NBEA: variants seen among roughly 807,000 people sequenced by gnomAD.
NBEA encodes the protein lysosomal-trafficking regulator 2.
Under a neutral mutation model 343.4 loss-of-function variants are expected in NBEA, and 44 were observed. The observed-to-expected ratio is 0.13, with a 90% CI of 0.10 to 0.16. NBEA has a LOEUF of 0.16. Ranked by LOEUF, NBEA falls within the 10% of genes least tolerant of loss-of-function variation. NBEA has a pLI of 1.00. For missense variants in NBEA, 2,555 were observed against 3,631.3 expected (o/e 0.70, Z 7.62); for synonymous variants, 1,175 against 1,238.7 (o/e 0.95, Z 1.08).
chr13:35,541,650 A>G (rs17052343), intron 41 of NBEA, among the ~76,000 whole-genome samples: 5,935 of 151,940 alleles, frequency 0.039, 414 homozygotes, highest in African/African-American at 0.14. Context: ...GTAAAAGGCT[A>G]TGTGCTGTGG....
intron 43 of NBEA, 74 bp downstream of exon 43, chr13:35,551,106 G>T: frequency 1.1e-6 from 1 of 879,022 alleles, no homozygotes. Flanking sequence ...CAATGTAAAT[G>T]TGGTTATAAC....
intron 24 of NBEA, among the ~76,000 whole-genome samples, chr13:35,165,748 G>T (rs9600213): frequency 3.3e-5 from 5 of 149,882 alleles, no homozygotes; most frequent in African/African-American, 1.2e-4. Context: ...AGAGTAGGGC[G>T]ATCTCAGCTC....
At chr13:35,382,221 C>T (rs1325740380) in intron 38 of NBEA, among the ~76,000 whole-genome samples, 2 of 152,026 alleles carry the variant, frequency 1.3e-5, no homozygotes, top group Admixed American at 6.6e-5. Flanking sequence ...TAGCAGAATC[C>T]CATAGACTCT....
intron 1 of NBEA, among the ~76,000 whole-genome samples, chr13:34,980,174 C>T (rs2060310453): frequency 6.6e-6 from 1 of 151,704 alleles, no homozygotes; most frequent in African/African-American, 2.4e-5. Context: ...CCTAGGATTG[C>T]CTTAGAGTCT....
chr13:35,404,328 T>C lies in NBEA; in HGVS notation c.6180-27941T>C, dbSNP rs371025660. On this transcript the variant is annotated intron_variant, in intron 38 of 58. Transcript: ENST00000379939. ...CGTATGTTTATTGTGGCACTATTCA[T>C]AATAGCAAAGACTTGGAACCAACCC... is the stretch of plus-strand genomic sequence containing the variant. 2.2e-4 allele frequency among the ~76,000 whole-genome samples: 33 copies of C among 151,526 alleles called. No homozygotes were observed. In the South Asian group the frequency reaches 5.0e-3, roughly 23 times the overall value.
At chr13:35,295,052 C>T (rs940702380) in intron 35 of NBEA, among the ~76,000 whole-genome samples, 4 of 137,788 alleles carry the variant, frequency 2.9e-5, no homozygotes, top group African/African-American at 1.1e-4. Context: ...AGCTGATGAA[C>T]TAAAAAAAAA....
rs374849659 is a variant in NBEA, at chr13:35,655,607, T to C, written c.8220T>C (p.His2740=). 6.3e-5 allele frequency: 102 copies of C among 1,613,654 alleles called. No individual in the cohort carries two copies. In the Middle Eastern group the frequency reaches 9.9e-4, roughly 16 times the overall value. Residue 2740 remains histidine, a synonymous_variant, in exon 55 of 59, where the codon CAT becomes CAC. Transcript: ENST00000379939. ...TGKLTQIVFG[H]WDVVTCLARS... is the part of the protein sequence containing the mutation. ...AATTGACTCAGATTGTATTTGGCCATTGGGATGTGGTCACTTGCTTGGCCA... is the reference window on the plus strand; with the variant it reads ...AATTGACTCAGATTGTATTTGGCCACTGGGATGTGGTCACTTGCTTGGCCA...
intron 41 of NBEA, among the ~76,000 whole-genome samples, chr13:35,492,872 G>A (rs1339483274): frequency 6.6e-6 from 1 of 151,828 alleles, no homozygotes; most frequent in East Asian, 1.9e-4. Flanking sequence ...GGGAGATAAC[G>A]ATGCTGAATC....
intron 18 of NBEA, among the ~76,000 whole-genome samples, chr13:35,144,213 G>A (rs1257112994): frequency 6.6e-6 from 1 of 152,166 alleles, no homozygotes; most frequent in East Asian, 1.9e-4. Flanking sequence ...AGAGTTGCAT[G>A]CAAGGGTTTT....
At chr13:35,131,342 C>T (rs944761616) in intron 17 of NBEA, among the ~76,000 whole-genome samples, 18 of 151,976 alleles carry the variant, frequency 1.2e-4, no homozygotes, top group Admixed American at 3.9e-4. Flanking sequence ...CTATCAGTTA[C>T]TTTTTTAAAA....
chr13:35,488,961 A>T, intron 41 of NBEA, among the ~76,000 whole-genome samples: 1 of 152,044 alleles, frequency 6.6e-6, no homozygotes, highest in South Asian at 2.1e-4. Context: ...ATATTAATTA[A>T]GTAATTTGTA....
chr13:35,124,479 G>C lies in NBEA; in HGVS notation c.2336+905G>C, dbSNP rs116897405. ...AAACAAAGCCAGGATTGTAGAAAAG[G>C]ATATATATGTGTGTGTATACACACA... On this transcript the variant is annotated intron_variant, in intron 17 of 58. Coordinates refer to ENST00000379939, the MANE Select transcript of NBEA (RefSeq NM_001385012.1). Among the ~76,000 whole-genome samples the C allele has an allele frequency of 1.5e-3, 218 of 147,538 alleles. 4 individuals carry two copies. In the East Asian group the frequency reaches 0.036, roughly 24 times the overall value.
intron 18 of NBEA, among the ~76,000 whole-genome samples, chr13:35,143,145 A>G (rs1200563720): frequency 6.6e-6 from 1 of 152,192 alleles, no homozygotes; most frequent in African/African-American, 2.4e-5. Flanking sequence ...TCAAAAAAAG[A>G]ATAATATATG....
chr13:34,992,918 T>G (rs1052868364), intron 1 of NBEA, among the ~76,000 whole-genome samples: 6 of 151,192 alleles, frequency 4.0e-5, no homozygotes, highest in Admixed American at 6.6e-5. Context: ...CTCTTGACCT[T>G]GTGATCCACC....
At chr13:35,639,705 T>G (rs907869627) in intron 49 of NBEA, among the ~76,000 whole-genome samples, 2 of 152,132 alleles carry the variant, frequency 1.3e-5, no homozygotes, top group African/African-American at 4.8e-5. Context: ...TTTCTTGAAT[T>G]TTCTGAAAAT....
At chr13:35,372,797 A>G (rs572549) in intron 38 of NBEA, among the ~76,000 whole-genome samples, 45,937 of 151,856 alleles carry the variant, frequency 0.3, 9,221 homozygotes, top group African/African-American at 0.57. Flanking sequence ...AGCCAACAGC[A>G]TGGCAGCTGT....
Position 35,649,777 on chromosome 13 carries a change from G to C in NBEA, c.7893G>C (p.Leu2631Phe). 6.2e-7 allele frequency: 1 copy of C among 1,613,944 alleles called. No homozygotes were observed. Among genetic ancestry groups the C allele is most frequent in the Non-Finnish European group, 8.5e-7 (1 of 1,179,896 alleles). ...THVAANTLPHLTIPAVVTVTC... is the reference protein window; with the variant it reads ...THVAANTLPHFTIPAVVTVTC... ...TGGCAGCCAACACTCTGCCCCACTT[G>C]ACCATCCCCGCAGTGGTGACAGTGA... is the stretch of plus-strand genomic sequence containing the variant. The change falls in exon 52 of 59, where the codon TTG becomes TTC. Residue 2631 changes from leucine to phenylalanine, a missense_variant. Physicochemically the swap from Leu to Phe is conservative, Grantham distance 22. Transcript: ENST00000379939.
chr13:35,389,970 AGTGTGTGTGT>A (rs10523765), intron 38 of NBEA, among the ~76,000 whole-genome samples: 2 of 137,962 alleles, frequency 1.4e-5, no homozygotes, highest in South Asian at 2.5e-4. Context: ...TCTTTTGTAG[AGTGTGTGTGT>A]GTGTGTGTGT....
At chr13:35,185,775 G>A (rs1391004441) in intron 30 of NBEA, 1 of 152,152 alleles carries the variant, frequency 6.6e-6, no homozygotes, top group South Asian at 2.1e-4. Flanking sequence ...TAAGGCCAAT[G>A]TGGTAAACTT....
Sources: gnomAD v4.1 joint callset for allele counts (sites outside exome capture counted in the v4.1 genomes callset) on GRCh38, gnomAD v4.1.1 for gene constraint, MANE v1.5 for transcripts, NCBI Gene and HGNC (gene_info 2026-07-23, HGNC 2026-07-21) for gene names.